Variants in SLFN12L observed in about 807,000 individuals in gnomAD.
The protein encoded by SLFN12L is schlafen family member 12-like.
Under a neutral mutation model 34.8 loss-of-function variants are expected in SLFN12L, and 34 were observed. That is an observed-to-expected ratio of 0.98 (90% CI 0.74 to 1.30). SLFN12L has a LOEUF of 1.30. SLFN12L is among the 50% of genes most tolerant of loss of function. SLFN12L has a pLI of 0.00. For missense variants in SLFN12L, 703 were observed against 696.2 expected, an observed-to-expected ratio of 1.01 and a Z score of -0.11; for synonymous variants, 259 against 247.5, an observed-to-expected ratio of 1.05 and a Z score of -0.44.
At chr17:35,517,435 G>T (rs1202224490) in intron 2 of SLFN12L, among the ~76,000 whole-genome samples, 2 of 152,162 alleles carry the variant, frequency 1.3e-5, no homozygotes, top group Non-Finnish European at 2.9e-5. Context: ...CAAGCTCATG[G>T]ATAGGAAGAA....
chr17:35,469,152 C>T lies in SLFN12L; in HGVS notation c.*5771G>A, dbSNP rs1448994904. Among the ~76,000 whole-genome samples, 1 of 151,018 alleles carries T rather than the reference C, an allele frequency of 6.6e-6. No homozygotes were observed. Among genetic ancestry groups the T allele is most frequent in the Non-Finnish European group, 1.5e-5 (1 of 67,812 alleles). ...ACCCCTACTACCCCCTCAAGCTTTC[C>T]CCCGTGACTTCCTGCCCTGTGTCTC... On this transcript the variant is annotated 3_prime_UTR_variant, in exon 5 of 5. Coordinates refer to ENST00000628453, the MANE Select transcript of SLFN12L (RefSeq NM_001363830.2).
At chr17:35,510,143 C>T (rs1915592342) in intron 2 of SLFN12L, 2 of 152,224 alleles carry the variant, frequency 1.3e-5, no homozygotes. Flanking sequence ...AAGCCAGCTT[C>T]CACTTTCTGC....
intron 2 of SLFN12L, among the ~76,000 whole-genome samples, chr17:35,519,651 G>A (rs1915941031): frequency 6.6e-6 from 1 of 152,156 alleles, no homozygotes; most frequent in Non-Finnish European, 1.5e-5. Flanking sequence ...GGGAGGAAAA[G>A]TAAATACGGT....
rs1411721181 is a variant in SLFN12L at position 35,475,303 on chromosome 17, C to T, written c.1459G>A (p.Ala487Thr). The change falls in exon 5 of 5, where the codon GCT (alanine) becomes ACT (threonine). Residue 487 changes from alanine (A) to threonine (T), a missense_variant. By Grantham distance (58) the Ala-to-Thr change is moderately conservative. Transcript: ENST00000628453. Reference sequence around the variant, plus strand: ...GGCTTGTCCTGGGAAATCAGAAGAGCATCACAGAGGACTTTGTGGTTCTCT... The same window carrying T: ...GGCTTGTCCTGGGAAATCAGAAGAGTATCACAGAGGACTTTGTGGTTCTCT... ...LQENHKVLCD[A>T]LLISQDKPPV... is the part of the protein sequence containing the mutation. 8 of 1,614,156 alleles carry T rather than the reference C, an allele frequency of 5.0e-6. No individual in the cohort carries two copies. The South Asian group carries it at 7.7e-5, about 16-fold the overall frequency.
intron 2 of SLFN12L, among the ~76,000 whole-genome samples, chr17:35,496,409 C>T (rs1915077275): frequency 6.6e-6 from 1 of 152,048 alleles, no homozygotes; most frequent in African/African-American, 2.4e-5. Flanking sequence ...AAAAGTGTAC[C>T]ACCACCAGCG....
At chr17:35,533,725 A>C (rs1263415950) in intron 1 of SLFN12L, among the ~76,000 whole-genome samples, 1 of 152,174 alleles carries the variant, frequency 6.6e-6, no homozygotes, top group East Asian at 1.9e-4. Flanking sequence ...AACCATGCTC[A>C]GGTGTCCAGC....
chr17:35,479,243 G>A lies in SLFN12L; in HGVS notation c.1039C>T (p.Leu347Phe), dbSNP rs1462103808. 1.9e-6 allele frequency: 3 copies of A among 1,593,368 alleles called. No individual in the cohort carries two copies. Among genetic ancestry groups the A allele is most frequent in the Non-Finnish European group, 2.6e-6 (3 of 1,168,516 alleles). The change falls in exon 3 of 5, where the codon CTC becomes TTC. Residue 347 changes from leucine to phenylalanine, a missense_variant. Coordinates refer to ENST00000628453, the MANE Select transcript of SLFN12L (RefSeq NM_001363830.2). ...KGRLCGYVYA[L>F]RVERFCCAVF... ...GCACAGCAGAAGCGTTCCACTCTGAGTGCATACACATATCCACAAAGCCTT... is the reference window on the plus strand; with the variant it reads ...GCACAGCAGAAGCGTTCCACTCTGAATGCATACACATATCCACAAAGCCTT...
chr17:35,504,920 G>A (rs148561432), intron 2 of SLFN12L, among the ~76,000 whole-genome samples: 5,668 of 152,282 alleles, frequency 0.037, 137 homozygotes, highest in Non-Finnish European at 0.054. Flanking sequence ...AGTGGTACTT[G>A]TACTTTAGTC....
At chr17:35,481,755 A>G (rs1914347649) in intron 2 of SLFN12L, among the ~76,000 whole-genome samples, 1 of 151,954 alleles carries the variant, frequency 6.6e-6, no homozygotes, top group Admixed American at 6.5e-5. Flanking sequence ...TATTTCTACA[A>G]TCTCTCGTCT....
chr17:35,489,694 G>A (rs776878908), intron 2 of SLFN12L, among the ~76,000 whole-genome samples: 1 of 152,030 alleles, frequency 6.6e-6, no homozygotes, highest in Non-Finnish European at 1.5e-5. Flanking sequence ...CTGCATTAAT[G>A]AAAAAAGGAA....
intron 2 of SLFN12L, among the ~76,000 whole-genome samples, chr17:35,488,124 G>C (rs1238409207): frequency 1.3e-5 from 2 of 152,208 alleles, no homozygotes; most frequent in Non-Finnish European, 2.9e-5. Context: ...CAGGAGAATG[G>C]CGTGAACCCC....
intron 2 of SLFN12L, among the ~76,000 whole-genome samples, chr17:35,482,214 T>C (rs905770858): frequency 6.6e-6 from 1 of 152,260 alleles, no homozygotes; most frequent in Non-Finnish European, 1.5e-5. Context: ...CTTGAATGTT[T>C]GCATCCTCTC....
intron 2 of SLFN12L, among the ~76,000 whole-genome samples, chr17:35,487,474 C>CCA (rs1051741449): frequency 5.3e-5 from 8 of 152,130 alleles, no homozygotes; most frequent in African/African-American, 1.9e-4. Flanking sequence ...ACGGACCACC[C>CCA]CCCCCGGACC....
At chr17:35,513,369 TA>T (rs112233709) in intron 2 of SLFN12L, among the ~76,000 whole-genome samples, 6 of 150,644 alleles carry the variant, frequency 4.0e-5, no homozygotes, top group East Asian at 1.9e-4. Context: ...CACTATACCA[TA>T]AAAAAAAACA....
chr17:35,510,100 GA>G (rs1172142306), intron 2 of SLFN12L: 2 of 152,192 alleles, frequency 1.3e-5, no homozygotes, highest in Non-Finnish European at 2.9e-5. Flanking sequence ...GAGATGATAG[GA>G]AGTACAAAAC....
chr17:35,530,444 GAAAGAAAGAAAGAAAGAAA>G (rs2072391990), intron 1 of SLFN12L, among the ~76,000 whole-genome samples: 1 of 16,250 alleles, frequency 6.2e-5, no homozygotes, highest in African/African-American at 1.7e-4. Context: ...GGGAAGGGAA[GAAAGAAAGAAAGAAAGAAA>G]GAAAGAAAGA....
chr17:35,492,895 A>C (rs987011151), intron 2 of SLFN12L, among the ~76,000 whole-genome samples: 9 of 152,166 alleles, frequency 5.9e-5, no homozygotes, highest in African/African-American at 9.7e-5. Context: ...TGCCTGACCC[A>C]ATGGTAGGCA....
At chr17:35,517,273 C>T (rs139014509) in intron 2 of SLFN12L, among the ~76,000 whole-genome samples, 172 of 152,112 alleles carry the variant, frequency 1.1e-3, no homozygotes, top group Non-Finnish European at 1.9e-3. Context: ...AAGCACAGAG[C>T]CAAATCATGA....
rs35210090 is a variant in SLFN12L, at chr17:35,467,809, A to T, written c.*7114T>A. 6.6e-6 allele frequency among the ~76,000 whole-genome samples: 1 copy of T among 152,158 alleles called. No homozygotes were observed. The highest frequency in any genetic ancestry group is 6.5e-5 in the Admixed American group (1 of 15,284). ...ACCCGTTTGAGCCTAAACTTCAACCATGAAGCAAGCAAGCAAGCAAGCAAA... is the reference window on the plus strand; with the variant it reads ...ACCCGTTTGAGCCTAAACTTCAACCTTGAAGCAAGCAAGCAAGCAAGCAAA... On this transcript the variant is annotated 3_prime_UTR_variant, in exon 5 of 5. Transcript: ENST00000628453.
Sources: allele counts gnomAD v4.1 joint callset (sites outside exome capture counted in the v4.1 genomes callset), GRCh38; gene constraint gnomAD v4.1.1; transcripts MANE v1.5; gene names NCBI Gene and HGNC (gene_info 2026-07-23, HGNC 2026-07-21).